The following APBA1 variants were observed in gnomAD, a reference collection of about 807,000 sequenced individuals.
APBA1 encodes amyloid beta precursor protein binding family A member 1.
In APBA1, 55 loss-of-function variants were observed where a neutral mutation model predicts 86.6. The observed-to-expected ratio is 0.64, with a 90% CI of 0.51 to 0.80. The LOEUF (loss-of-function observed/expected upper bound fraction) is 0.80, where lower values mean the gene tolerates loss of function less well. APBA1 is among the 30% of genes least tolerant of loss of function. The probability of loss-of-function intolerance (pLI) is 0.00; values close to 1 mark genes in which losing one functional copy is unlikely to be tolerated. For synonymous variants in APBA1, 511 were observed against 493.9 expected, an observed-to-expected ratio of 1.03 and a Z score of -0.46; for missense variants, 1,090 against 1,183.0, an observed-to-expected ratio of 0.92 and a Z score of 1.15.
At chr9:69,447,730 C>A (rs1302378683) in intron 10 of APBA1, among the ~76,000 whole-genome samples, 1 of 152,128 alleles carries the variant, frequency 6.6e-6, no homozygotes, top group Non-Finnish European at 1.5e-5. Flanking sequence ...ACAATGGGTA[C>A]AAAATAGTAC....
rs1834563435 is a variant in APBA1, at chr9:69,430,151, T to C, written c.*1176A>G. The C allele has an allele frequency of 6.6e-6, 1 of 152,250 alleles. No individual in the cohort carries two copies. Among genetic ancestry groups the C allele is most frequent in the South Asian group, 2.1e-4 (1 of 4,832 alleles). 9.4% of individuals were successfully genotyped at this position (152,250 alleles called of 1,614,324 possible). A position where few individuals can be genotyped will look rare whatever the true frequency, so the allele number is the denominator to read the frequency against. On this transcript the variant is annotated 3_prime_UTR_variant, in exon 13 of 13. Coordinates refer to ENST00000265381, the MANE Select transcript of APBA1 (RefSeq NM_001163.4). ...CTCCTTAATTTTGTGGTTTATGTACTATTCTGGCCTTTCCAATATCACATC... is the reference window on the plus strand; with the variant it reads ...CTCCTTAATTTTGTGGTTTATGTACCATTCTGGCCTTTCCAATATCACATC...
chr9:69,468,410 A>G (rs1835314683), intron 4 of APBA1, among the ~76,000 whole-genome samples: 1 of 124,816 alleles, frequency 8.0e-6, no homozygotes, highest in Non-Finnish European at 1.6e-5. Context: ...AGCTTTTTAC[A>G]GCAATTCCTA....
At chr9:69,434,841 A>T (rs577516811) in intron 11 of APBA1, among the ~76,000 whole-genome samples, 4 of 152,114 alleles carry the variant, frequency 2.6e-5, no homozygotes, top group East Asian at 1.9e-4. Context: ...CATGGGCACA[A>T]CGTGCAGGTT....
At chr9:69,623,522 G>C (rs778798163) in intron 1 of APBA1, among the ~76,000 whole-genome samples, 2 of 152,126 alleles carry the variant, frequency 1.3e-5, no homozygotes. Context: ...GCAGGAAGTG[G>C]ATGGGTCAAA....
At chr9:69,518,373 T>G (rs1410764624) in intron 1 of APBA1, among the ~76,000 whole-genome samples, 1 of 152,166 alleles carries the variant, frequency 6.6e-6, no homozygotes, top group Admixed American at 6.5e-5. Context: ...ACTTTCCCCA[T>G]GTAACCTGAA....
intron 2 of APBA1, among the ~76,000 whole-genome samples, chr9:69,501,630 AC>A (rs1228599498): frequency 0.088 from 145 of 1,642 alleles, 1 homozygote; most frequent in African/African-American, 0.13. Context: ...TCTCTACAAA[AC>A]ACACACACAC....
chr9:69,627,369 A>C (rs1822954334), intron 1 of APBA1, among the ~76,000 whole-genome samples: 3 of 152,092 alleles, frequency 2.0e-5, no homozygotes, highest in African/African-American at 7.2e-5. Context: ...TCTTCCATTA[A>C]CTAGATCTCT....
intron 1 of APBA1, among the ~76,000 whole-genome samples, chr9:69,575,959 C>T (rs1821786811): frequency 6.6e-6 from 1 of 152,166 alleles, no homozygotes; most frequent in Non-Finnish European, 1.5e-5. Context: ...AGCTACTCAT[C>T]TGACAAAGGG....
intron 1 of APBA1, among the ~76,000 whole-genome samples, chr9:69,521,034 T>G (rs1366089804): frequency 1.3e-5 from 2 of 152,236 alleles, no homozygotes; most frequent in African/African-American, 4.8e-5. Flanking sequence ...TCCCAGGTAC[T>G]ACTAGGCATT....
rs1204413278 is a variant in APBA1, at chr9:69,516,396, T to C, written c.815A>G (p.Gln272Arg). The C allele has an allele frequency of 1.2e-6, 2 of 1,604,294 alleles. No homozygotes were observed. Among genetic ancestry groups the C allele is most frequent in the Middle Eastern group, 3.3e-4 (2 of 6,052 alleles). Residue 272 changes from glutamine to arginine, a missense_variant, in exon 2 of 13, where the codon CAG becomes CGG. Around this residue, in one of 6 missense-constraint regions of APBA1, gnomAD observed 678 missense variants for 647.1 expected, o/e 1.05. Coordinates refer to ENST00000265381, the MANE Select transcript of APBA1 (RefSeq NM_001163.4). The surrounding 1 kb of genome is among the most constrained non-coding windows in gnomAD (Gnocchi z 7.3). ...GCTCTGCTTCACCTCGGCCACTATC[T>C]GGTCGATGTCCTCCTCCTGCTCGTA... ...DSYEQEEDIDQIVAEVKQSMS... is the reference protein window; with the variant it reads ...DSYEQEEDIDRIVAEVKQSMS...
rs567476520 is a variant in APBA1, at chr9:69,642,817, G to A, written c.-70+29336C>T. On this transcript the variant is annotated intron_variant, in intron 1 of 12. Transcript: ENST00000265381. ...GCATTACGAGAACAGACTGACTACC[G>A]CCTGAACAAGAAGGAATTCTCCCAG... 3.3e-5 allele frequency among the ~76,000 whole-genome samples: 5 copies of A among 151,760 alleles called. No homozygotes were observed. The South Asian group carries it at 6.3e-4, about 19-fold the overall frequency.
chr9:69,549,108 G>A (rs1053527790), intron 1 of APBA1, among the ~76,000 whole-genome samples: 7 of 152,224 alleles, frequency 4.6e-5, no homozygotes, highest in African/African-American at 1.7e-4. Flanking sequence ...AAGCCAGGTA[G>A]AAGAAAAAGC....
In APBA1 at chr9:69,612,432, T is replaced by C. The variant is rs550625727; in HGVS notation, c.-70+59721A>G. Among the ~76,000 whole-genome samples, 3 of 152,210 alleles carry C rather than the reference T, an allele frequency of 2.0e-5. No homozygotes were observed. In the South Asian group the frequency reaches 6.2e-4, roughly 31 times the overall value. The stretch of plus-strand genomic sequence containing the variant: ...CTCATTAAATGTCTGGGTAAATTCC[T>C]AATAAAATACTAAAACATAAATTGC... On this transcript the variant is annotated intron_variant, in intron 1 of 12. Coordinates refer to ENST00000265381, the MANE Select transcript of APBA1 (RefSeq NM_001163.4).
intron 2 of APBA1, among the ~76,000 whole-genome samples, chr9:69,483,826 A>T (rs1039462195): frequency 3.3e-5 from 5 of 151,986 alleles, no homozygotes; most frequent in Non-Finnish European, 7.4e-5. Flanking sequence ...AGAACCCCAG[A>T]CCCCACAGCC....
intron 1 of APBA1, among the ~76,000 whole-genome samples, chr9:69,621,702 T>TTGA (rs1822821349): frequency 6.6e-6 from 1 of 152,110 alleles, no homozygotes; most frequent in South Asian, 2.1e-4. Flanking sequence ...TACTTATTAA[T>TTGA]AGAACAGTTC....
At chr9:69,548,256 C>A (rs2133925382) in intron 1 of APBA1, among the ~76,000 whole-genome samples, 1 of 152,160 alleles carries the variant, frequency 6.6e-6, no homozygotes, top group East Asian at 1.9e-4. Context: ...TTCAGTCCTA[C>A]AACCTCAGGG....
chr9:69,595,569 T>C (rs1021008080), intron 1 of APBA1, among the ~76,000 whole-genome samples: 7 of 152,228 alleles, frequency 4.6e-5, no homozygotes, highest in African/African-American at 1.7e-4. Flanking sequence ...GAAAAGGGTA[T>C]GATCTTCGTG....
chr9:69,609,229 T>C (rs1247112849), intron 1 of APBA1, among the ~76,000 whole-genome samples: 1 of 152,202 alleles, frequency 6.6e-6, no homozygotes, highest in Admixed American at 6.5e-5. Flanking sequence ...GAGTCACTTA[T>C]GTTTAAGAAC....
At chr9:69,629,851 T>C (rs141773000) in intron 1 of APBA1, among the ~76,000 whole-genome samples, 1 of 152,086 alleles carries the variant, frequency 6.6e-6, no homozygotes, top group Admixed American at 6.6e-5. Context: ...TAATTTCAGA[T>C]AGTGGAGAGT....
Sources: gnomAD v4.1 joint callset for allele counts (sites outside exome capture counted in the v4.1 genomes callset) on GRCh38, gnomAD v4.1.1 for gene constraint, gnomAD v4.1.1 regional missense constraint, Gnocchi (gnomAD v3.1) non-coding constraint, MANE v1.5 for transcripts, NCBI Gene and HGNC (gene_info 2026-07-23, HGNC 2026-07-21) for gene names.